The following OAT variants were observed in gnomAD, a reference collection of about 807,000 sequenced individuals.
OAT encodes the protein ornithine aminotransferase.
A neutral mutation model predicts 48.4 loss-of-function variants in OAT; 35 were observed. The observed-to-expected ratio is 0.72, with a 90% CI of 0.55 to 0.96. The LOEUF (loss-of-function observed/expected upper bound fraction) is 0.96. Among genes scored for constraint, OAT ranks in the 40% least tolerant of loss-of-function variants. The pLI is 0.00. For missense variants in OAT, 438 were observed against 537.9 expected, an observed-to-expected ratio of 0.81 and a Z score of 1.84; for synonymous variants, 182 against 198.4, an observed-to-expected ratio of 0.92 and a Z score of 0.70.
intron 6 of OAT, 78 bp downstream of exon 6, chr10:124,403,720 T>G (rs1244154511): frequency 1.6e-5 from 26 of 1,586,102 alleles, no homozygotes; most frequent in Non-Finnish European, 1.9e-5. Context: ...AGAGAGGAGT[T>G]GGGGAGGAGC....
At position 124,407,484 on chromosome 10, in the gene OAT, G is replaced by A. The variant is rs190431220; in HGVS notation, c.520+1058C>T. On this transcript the variant is annotated intron_variant, in intron 4 of 9. Transcript: ENST00000368845. ...AGAGACAGTTATGTTGTCCTACAACGAAAGCACAAGATTTTTAAATGGCAA... is the reference window on the plus strand; with the variant it reads ...AGAGACAGTTATGTTGTCCTACAACAAAAGCACAAGATTTTTAAATGGCAA... The A allele has an allele frequency of 1.7e-4, 167 of 982,238 alleles. 1 individual carries two copies. The African/African-American group carries it at 2.5e-3, about 15-fold the overall frequency. The allele number at this position is 982,238 out of a possible 1,614,324, so 60.8% of individuals were successfully genotyped here. A position where few individuals can be genotyped will look rare whatever the true frequency, so the allele number is the denominator to read the frequency against.
Position 124,400,988 on chromosome 10 carries a change from C to A in OAT, c.1015-4G>T. On this transcript the variant is annotated splice_region_variant and splice_polypyrimidine_tract_variant and intron_variant, in intron 8 of 9. Coordinates refer to ENST00000368845, the MANE Select transcript of OAT (RefSeq NM_000274.4). ...CAAGGTTTTCTTCTTCTAAAACCTA[C>A]GTTTAAAGAAAAATTATACAAATAT... The A allele has an allele frequency of 1.2e-6, 2 of 1,605,532 alleles. No individual in the cohort carries two copies. The highest frequency in any genetic ancestry group is 1.7e-6 in the Non-Finnish European group (2 of 1,173,776).
In OAT at chr10:124,405,534, C is replaced by T. The variant is rs121965050; in HGVS notation, c.550G>A (p.Ala184Thr). ...GTTGGGTCTGTGGAACTGGAGATAG[C>T]AGACAACGTCCTACCCCAGAAGTTC... ...AGNFWGRTLSAISSSTDPTSY... is the reference protein window; with the variant it reads ...AGNFWGRTLSTISSSTDPTSY... The change falls in exon 5 of 10, where the codon GCT becomes ACT. Residue 184 changes from alanine (A) to threonine (T), a missense_variant. Ala to Thr is a moderately conservative substitution (Grantham distance 58). Transcript: ENST00000368845. The T allele has an allele frequency of 6.2e-7, 1 of 1,614,058 alleles. No homozygotes were observed. Among genetic ancestry groups the T allele is most frequent in the South Asian group, 1.1e-5 (1 of 91,080 alleles).
chr10:124,413,560 G>A (rs962597830), intron 1 of OAT, among the ~76,000 whole-genome samples: 3 of 152,068 alleles, frequency 2.0e-5, no homozygotes, highest in Non-Finnish European at 4.4e-5. Context: ...GTGCATGCCT[G>A]TAATCCCAGC....
intron 2 of OAT, among the ~76,000 whole-genome samples, chr10:124,411,768 A>G (rs1034824141): frequency 6.9e-6 from 1 of 145,648 alleles, no homozygotes; most frequent in African/African-American, 2.5e-5. Context: ...GTGAGCTGGG[A>G]TTGTGCCACT....
At chr10:124,407,427 G>T (rs1340111365) in intron 4 of OAT, 1 of 985,276 alleles carries the variant, frequency 1.0e-6, no homozygotes, top group African/African-American at 1.7e-5. Flanking sequence ...CTATAAGAAT[G>T]AAAATCACCA....
chr10:124,405,617 G>A, intron 4 of OAT, 54 bp from the exon 5 acceptor site: 2 of 1,606,002 alleles, frequency 1.2e-6, no homozygotes, highest in Non-Finnish European at 8.5e-7. Flanking sequence ...AATTCAATAA[G>A]CACTATCCCC....
At chr10:124,402,192 A>C (rs1057217629) in intron 7 of OAT, among the ~76,000 whole-genome samples, 7 of 152,228 alleles carry the variant, frequency 4.6e-5, no homozygotes, top group African/African-American at 1.7e-4. Flanking sequence ...AAGCCACCAC[A>C]CCCGGCCAAG....
chr10:124,417,631 C>A (rs772751002), intron 1 of OAT, among the ~76,000 whole-genome samples: 14 of 152,092 alleles, frequency 9.2e-5, no homozygotes, highest in Non-Finnish European at 1.9e-4. Flanking sequence ...TGAAAAGATT[C>A]ATCTAAAGAC....
chr10:124,410,878 C>T (rs1159563061), intron 2 of OAT, among the ~76,000 whole-genome samples: 3 of 151,928 alleles, frequency 2.0e-5, no homozygotes, highest in Admixed American at 1.3e-4. Context: ...CGGTGGCTCA[C>T]GCCTGTAATC....
intron 1 of OAT, among the ~76,000 whole-genome samples, chr10:124,417,053 G>T (rs1024600931): frequency 6.6e-6 from 1 of 152,024 alleles, no homozygotes; most frequent in Non-Finnish European, 1.5e-5. Flanking sequence ...ATTTGTAAAT[G>T]TTTGAGATTT....
At chr10:124,404,187 G>A (rs910086875) in intron 5 of OAT, among the ~76,000 whole-genome samples, 2 of 151,718 alleles carry the variant, frequency 1.3e-5, no homozygotes, top group Admixed American at 6.6e-5. Flanking sequence ...CTAAAGTCTC[G>A]AACTCCTGGG....
rs150939128 is a variant in OAT at position 124,408,810 on chromosome 10, C to T, written c.355G>A (p.Val119Ile). The change falls in exon 3 of 10, where the codon GTA becomes ATA. Residue 119 changes from valine to isoleucine, a missense_variant. Transcript: ENST00000368845. ...ATATACTCCTCATATTCACCAAGTACGTTATTATAGAAAGCTCTAGATGTT... is the reference window on the plus strand; with the variant it reads ...ATATACTCCTCATATTCACCAAGTATGTTATTATAGAAAGCTCTAGATGTT... ...TLTSRAFYNN[V>I]LGEYEEYITK... The T allele has an allele frequency of 4.0e-5, 65 of 1,612,302 alleles. No homozygotes were observed. In the African/African-American group the frequency reaches 7.5e-4, roughly 19 times the overall value.
intron 2 of OAT, among the ~76,000 whole-genome samples, chr10:124,409,167 A>G (rs1951683828): frequency 6.6e-6 from 1 of 152,240 alleles, no homozygotes; most frequent in Non-Finnish European, 1.5e-5. Flanking sequence ...TTATCTGCCC[A>G]GCTTCAAAAC....
chr10:124,409,016 A>G (rs1256596492), intron 2 of OAT, 51 bp from the exon 3 acceptor site: 2 of 1,433,186 alleles, frequency 1.4e-6, no homozygotes, highest in African/African-American at 1.4e-5. Context: ...TATACGGCAT[A>G]AAGTCCAAAA....
At chr10:124,410,486 GATTTTTACAAT>G (rs1951714381) in intron 2 of OAT, among the ~76,000 whole-genome samples, 1 of 152,188 alleles carries the variant, frequency 6.6e-6, no homozygotes, top group Admixed American at 6.5e-5. Context: ...TTAAGTTCTT[GATTTTTACAAT>G]TACTCTATGG....
At chr10:124,406,713 G>C (rs1012654160) in intron 4 of OAT, among the ~76,000 whole-genome samples, 2 of 151,366 alleles carry the variant, frequency 1.3e-5, no homozygotes, top group African/African-American at 2.4e-5. Context: ...CTACACAGGA[G>C]GCTGAGGCAG....
At position 124,408,696 on chromosome 10, in the gene OAT, A is replaced by C. The variant is rs749408233; in HGVS notation, c.424+45T>G. 2.1e-5 allele frequency: 33 copies of C among 1,575,586 alleles called. No homozygotes were observed. The African/African-American group carries it at 4.3e-4, about 21-fold the overall frequency. Reference sequence around the variant, plus strand: ...AAATGTTAAACTATCAAAAAATAAAAAGATTATTTTTGAGGGTATTTAACA... The same window carrying C: ...AAATGTTAAACTATCAAAAAATAAACAGATTATTTTTGAGGGTATTTAACA... On this transcript the variant is annotated intron_variant, in intron 3 of 9. Coordinates refer to ENST00000368845, the MANE Select transcript of OAT (RefSeq NM_000274.4).
chr10:124,407,214 T>C lies in OAT; in HGVS notation c.520+1328A>G, dbSNP rs551990646. The C allele has an allele frequency of 3.0e-6, 3 of 985,462 alleles. No homozygotes were observed. In the Admixed American group the frequency reaches 1.8e-4, roughly 61 times the overall value. The allele number at this position is 985,462 out of a possible 1,614,324, so 61.0% of individuals were successfully genotyped here. Reference sequence around the variant, plus strand: ...TAGGTTTGTTTAAGAAGAAATGCACTGATTAGACCATAAGCCTATTTGCTC... The same window carrying C: ...TAGGTTTGTTTAAGAAGAAATGCACCGATTAGACCATAAGCCTATTTGCTC... On this transcript the variant is annotated intron_variant, in intron 4 of 9. Coordinates refer to ENST00000368845, the MANE Select transcript of OAT (RefSeq NM_000274.4).
Sources: gnomAD v4.1 joint callset for allele counts (sites outside exome capture counted in the v4.1 genomes callset) on GRCh38, gnomAD v4.1.1 for gene constraint, MANE v1.5 for transcripts, NCBI Gene and HGNC (gene_info 2026-07-23, HGNC 2026-07-21) for gene names.